The following CUX1 variants were observed in gnomAD, a reference collection of about 807,000 sequenced individuals.
CUX1 encodes protein CASP.
A neutral mutation model predicts 158.8 loss-of-function variants in CUX1; 31 were observed. The observed-to-expected ratio is 0.20, with a 90% CI of 0.15 to 0.26. The LOEUF (loss-of-function observed/expected upper bound fraction) is 0.26, where lower values mean the gene tolerates loss of function less well. Ranked by LOEUF, CUX1 falls within the 10% of genes least tolerant of loss-of-function variation. The pLI is 1.00. For missense variants in CUX1, 1,589 were observed against 2,014.6 expected (o/e 0.79, Z 4.04); for synonymous variants, 879 against 862.1 (o/e 1.02, Z -0.34).
chr7:102,069,166 C>T (rs1025748679), intron 3 of CUX1, among the ~76,000 whole-genome samples: 5 of 152,188 alleles, frequency 3.3e-5, no homozygotes, highest in Non-Finnish European at 7.3e-5. Context: ...AAAGCAGTGA[C>T]GTCCGAGGGT....
chr7:102,170,869 C>T (rs1791637021), intron 10 of CUX1, among the ~76,000 whole-genome samples: 1 of 147,508 alleles, frequency 6.8e-6, no homozygotes. Context: ...CGCTGGCATG[C>T]GGGTGCAGAC....
intron 3 of CUX1, among the ~76,000 whole-genome samples, chr7:102,032,576 T>C (rs1403665637): frequency 6.6e-6 from 1 of 151,984 alleles, no homozygotes; most frequent in African/African-American, 2.4e-5. Flanking sequence ...GGCTGAGGCA[T>C]GAGAATCAGT....
intron 23 of CUX1, among the ~76,000 whole-genome samples, chr7:102,241,498 G>A (rs945290572): frequency 6.6e-6 from 1 of 152,102 alleles, no homozygotes; most frequent in African/African-American, 2.4e-5. Flanking sequence ...GTCATGGGCA[G>A]CACAAAGTCA....
intron 2 of CUX1, among the ~76,000 whole-genome samples, chr7:102,015,505 G>T (rs963952948): frequency 6.6e-6 from 1 of 152,136 alleles, no homozygotes; most frequent in African/African-American, 2.4e-5. Flanking sequence ...TGGGGTTACA[G>T]GTGTGAGCCA....
intron 12 of CUX1, among the ~76,000 whole-genome samples, chr7:102,193,640 A>G (rs532565456): frequency 6.6e-6 from 1 of 152,282 alleles, no homozygotes; most frequent in Non-Finnish European, 1.5e-5. Flanking sequence ...CCCCGTCTCT[A>G]CTAGAAATAC....
chr7:101,842,376 C>A (rs1795263775), intron 1 of CUX1, among the ~76,000 whole-genome samples: 1 of 152,150 alleles, frequency 6.6e-6, no homozygotes, highest in Non-Finnish European at 1.5e-5. Context: ...TAATTTTCTT[C>A]CCATAGTTTT....
chr7:101,891,247 C>T (rs1214952314), intron 1 of CUX1, among the ~76,000 whole-genome samples: 1 of 152,100 alleles, frequency 6.6e-6, no homozygotes, highest in Non-Finnish European at 1.5e-5. Flanking sequence ...CAGACAGGGT[C>T]TTGCTCTTCT....
chr7:101,873,174 GCTT>G (rs1369085110), intron 1 of CUX1, among the ~76,000 whole-genome samples: 2 of 141,710 alleles, frequency 1.4e-5, no homozygotes, highest in South Asian at 2.3e-4. Flanking sequence ...CCTGGCCTCA[GCTT>G]CTTTTTTTTT....
At chr7:101,952,517 C>T (rs566493691) in intron 2 of CUX1, among the ~76,000 whole-genome samples, 1 of 152,334 alleles carries the variant, frequency 6.6e-6, no homozygotes, top group South Asian at 2.1e-4. Flanking sequence ...CTACGGAACC[C>T]CGAGTACCTT....
chr7:101,941,494 C>T (rs1026103254), intron 2 of CUX1, among the ~76,000 whole-genome samples: 5 of 152,192 alleles, frequency 3.3e-5, no homozygotes, highest in African/African-American at 1.2e-4. Flanking sequence ...TTTTGTGCTG[C>T]AAGCAAAGTC....
At chr7:102,093,140 G>C (rs1828792732) in intron 4 of CUX1, among the ~76,000 whole-genome samples, 1 of 144,032 alleles carries the variant, frequency 6.9e-6, no homozygotes, top group South Asian at 2.2e-4. Flanking sequence ...TTTGGCTGCT[G>C]GTTAAGAAAA....
At chr7:102,040,994 A>C (rs1822003282) in intron 3 of CUX1, among the ~76,000 whole-genome samples, 1 of 152,102 alleles carries the variant, frequency 6.6e-6, no homozygotes, top group African/African-American at 2.4e-5. Flanking sequence ...TCTGTTCAAA[A>C]ATGGGATGAG....
chr7:102,037,841 T>C (rs1230911142), intron 3 of CUX1, among the ~76,000 whole-genome samples: 2 of 151,466 alleles, frequency 1.3e-5, no homozygotes, highest in African/African-American at 4.9e-5. Context: ...GATCACTTGA[T>C]GTCAGGAGTT....
At chr7:102,200,436 G>A (rs113184201) in intron 17 of CUX1, among the ~76,000 whole-genome samples, 44,501 of 151,712 alleles carry the variant, frequency 0.29, 6,847 homozygotes, top group Middle Eastern at 0.37. Context: ...TCTGCCTCCC[G>A]GGTTTAAGCG....
intron 18 of CUX1, chr7:102,280,029 C>A: frequency 1.9e-6 from 3 of 1,595,578 alleles, no homozygotes; most frequent in Non-Finnish European, 1.7e-6. Flanking sequence ...CCCTCCCTGT[C>A]TGTGCAGGGC....
At chr7:102,243,641 T>TAATAATAATAATA (rs1290497341) in intron 23 of CUX1, among the ~76,000 whole-genome samples, 46 of 135,744 alleles carry the variant, frequency 3.4e-4, no homozygotes, top group Non-Finnish European at 5.7e-4. Flanking sequence ...AAAATAATAA[T>TAATAATAATAATA]AATAATAATA....
chr7:102,206,346 G>A (rs1795946822), intron 20 of CUX1, among the ~76,000 whole-genome samples: 1 of 152,170 alleles, frequency 6.6e-6, no homozygotes, highest in Non-Finnish European at 1.5e-5. Flanking sequence ...TTGGAAGAAG[G>A]GATCACTCAT....
In CUX1 at chr7:102,111,388, AT is replaced by A. The variant is rs1281692370; in HGVS notation, c.531-299del. ...AGAAAACAATGAGTGCATGATGATG[AT>A]TTTTTTTTTTCTTTTTAAAATCTGG... On this transcript the variant is annotated intron_variant, in intron 6 of 23. Transcript: ENST00000292535. Among the ~76,000 whole-genome samples, 340 of 148,796 alleles carry A rather than the reference AT, an allele frequency of 2.3e-3. 2 individuals carry two copies. The highest frequency in any genetic ancestry group is 2.7e-3 in the African/African-American group (109 of 40,714).
rs143041144 is a variant in CUX1 at position 102,043,680 on chromosome 7, G to A, written c.189+15535G>A. On this transcript the variant is annotated intron_variant, in intron 3 of 23. Coordinates refer to ENST00000292535, the MANE Select transcript of CUX1 (RefSeq NM_181552.4). The stretch of plus-strand genomic sequence containing the variant: ...ATATCTTTCTATTGTAAATAGTGCC[G>A]CAGTATACATGAGTGTGCAGATAAC... Among the ~76,000 whole-genome samples the A allele has an allele frequency of 6.4e-4, 97 of 152,134 alleles. 1 individual carries two copies. The highest frequency in any genetic ancestry group is 1.4e-3 in the African/African-American group (59 of 41,520).
Sources: gnomAD v4.1 joint callset for allele counts (sites outside exome capture counted in the v4.1 genomes callset) on GRCh38, gnomAD v4.1.1 for gene constraint, MANE v1.5 for transcripts, NCBI Gene and HGNC (gene_info 2026-07-23, HGNC 2026-07-21) for gene names.